The following VCAM1 variants were observed in gnomAD, a reference collection of about 807,000 sequenced individuals.
The protein encoded by VCAM1 is vascular cell adhesion protein 1.
In VCAM1, 41 loss-of-function variants were observed where a neutral mutation model predicts 63.8. The observed-to-expected ratio is 0.64, with a 90% CI of 0.50 to 0.83. The LOEUF (loss-of-function observed/expected upper bound fraction) is 0.83. VCAM1 is among the 40% of genes least tolerant of loss of function. The pLI is 0.00. For missense variants in VCAM1, 798 were observed against 875.5 expected (o/e 0.91, Z 1.12); for synonymous variants, 338 against 320.7 (o/e 1.05, Z -0.58).
chr1:100,722,919 T>A, intron 2 of VCAM1, 101 bp from the exon 3 acceptor site: 1 of 1,324,494 alleles, frequency 7.6e-7, no homozygotes. Flanking sequence ...AAGACTGTAT[T>A]AACAAAAACG....
intron 8 of VCAM1, chr1:100,737,566 T>C (rs1660700348): frequency 6.6e-6 from 1 of 152,256 alleles, no homozygotes. Context: ...TATGCCCTAT[T>C]TCTGACATAA....
intron 8 of VCAM1, chr1:100,736,169 G>C (rs1248429236): frequency 6.6e-6 from 1 of 152,078 alleles, no homozygotes; most frequent in Non-Finnish European, 1.5e-5. Flanking sequence ...CACACACATT[G>C]CTTTATTTTC....
chr1:100,736,217 A>G (rs1660640718), intron 8 of VCAM1: 1 of 152,176 alleles, frequency 6.6e-6, no homozygotes, highest in South Asian at 2.1e-4. Context: ...CACAGTTGCT[A>G]CTTTTTACTC....
Position 100,719,938 on chromosome 1 carries a change from C to T in VCAM1, c.64+14C>T, listed in dbSNP as rs140406427. The T allele has an allele frequency of 2.3e-3, 3,662 of 1,605,294 alleles. 13 individuals are homozygous for T. Among genetic ancestry groups the T allele is most frequent in the Non-Finnish European group, 2.8e-3 (3,255 of 1,173,802 alleles). On this transcript the variant is annotated intron_variant, in intron 1 of 8. Coordinates refer to ENST00000294728, the MANE Select transcript of VCAM1 (RefSeq NM_001078.4). ...TGTTTGCAGCTTGTAAGTTATTTCCCTTCATCTGTTTCAAATGTTAGCATT... is the reference window on the plus strand; with the variant it reads ...TGTTTGCAGCTTGTAAGTTATTTCCTTTCATCTGTTTCAAATGTTAGCATT...
rs1660473391 is a variant in VCAM1 at position 100,731,840 on chromosome 1, C to A, written c.1525+322C>A. ...GCTGGCTGGTCTCAGATGACTTCAC[C>A]CACATGTCTGGAGCCATATCTTGGA... On this transcript the variant is annotated intron_variant, in intron 6 of 8. Coordinates refer to ENST00000294728, the MANE Select transcript of VCAM1 (RefSeq NM_001078.4). This position sits in a 1 kb window ranked among gnomAD's most constrained non-coding sequence, Gnocchi z 4.2. Among the ~76,000 whole-genome samples, 1 of 152,116 alleles carries A rather than the reference C, an allele frequency of 6.6e-6. No homozygotes were observed. The highest frequency in any genetic ancestry group is 2.1e-4 in the South Asian group (1 of 4,824).
Position 100,729,397 on chromosome 1 carries a change from G to T in VCAM1, c.1204+15G>T. The T allele has an allele frequency of 6.6e-7, 1 of 1,506,918 alleles. No homozygotes were observed. Among genetic ancestry groups the T allele is most frequent in the Non-Finnish European group, 8.9e-7 (1 of 1,129,400 alleles). The allele number at this position is 1,506,918 out of a possible 1,614,324, so 93.3% of individuals were successfully genotyped here. A position where few individuals can be genotyped will look rare whatever the true frequency, so the allele number is the denominator to read the frequency against. On this transcript the variant is annotated intron_variant, in intron 5 of 8. Transcript: ENST00000294728. The stretch of plus-strand genomic sequence containing the variant: ...GGAGCTCTACTGTAAGTGGTTTTCA[G>T]AATTGTTTACTGTTTTTTTTTTTCA...
rs1225301397 is a variant in VCAM1 at position 100,731,189 on chromosome 1, G to T, written c.1205-9G>T. 1 of 1,571,244 alleles carries T rather than the reference G, an allele frequency of 6.4e-7. No individual in the cohort carries two copies. Among genetic ancestry groups the T allele is most frequent in the Non-Finnish European group, 8.6e-7 (1 of 1,161,244 alleles). On this transcript the variant is annotated splice_polypyrimidine_tract_variant and intron_variant, in intron 5 of 8. Transcript: ENST00000294728. This position sits in a 1 kb window ranked among gnomAD's most constrained non-coding sequence, Gnocchi z 4.2. ...AAGAATAAAAATCGTTTTTGCTTGCGATTTGCAGCATTCCCTAGAGATCCA... is the reference window on the plus strand; with the variant it reads ...AAGAATAAAAATCGTTTTTGCTTGCTATTTGCAGCATTCCCTAGAGATCCA...
Position 100,729,212 on chromosome 1 carries a change from T to C in VCAM1, c.1034T>C (p.Phe345Ser). 6.2e-7 allele frequency: 1 copy of C among 1,613,580 alleles called. No individual in the cohort carries two copies. The highest frequency in any genetic ancestry group is 8.5e-7 in the Non-Finnish European group (1 of 1,179,700). The stretch of plus-strand genomic sequence containing the variant: ...GTCATGGGCTGTGAATCCCCATCTT[T>C]CTCCTGGAGAACCCAGATAGACAGC... ...CSVMGCESPS[F>S]SWRTQIDSPL... Residue 345 changes from phenylalanine (F) to serine (S), a missense_variant, in exon 5 of 9, where the codon TTC (phenylalanine) becomes TCC (serine). Transcript: ENST00000294728.
intron 4 of VCAM1, among the ~76,000 whole-genome samples, chr1:100,727,860 A>G (rs924666905): frequency 6.6e-6 from 1 of 152,160 alleles, no homozygotes; most frequent in South Asian, 2.1e-4. Context: ...TTCAGAAAAT[A>G]CTAAGATGTC....
intron 1 of VCAM1, 71 bp from the exon 2 acceptor site, chr1:100,720,405 A>G: frequency 6.6e-7 from 1 of 1,524,094 alleles, no homozygotes; most frequent in East Asian, 2.3e-5. Flanking sequence ...TAGACATTAT[A>G]CAGAGAAGAA....
At chr1:100,736,724 T>C (rs2100836768) in intron 8 of VCAM1, 1 of 152,326 alleles carries the variant, frequency 6.6e-6, no homozygotes, top group East Asian at 1.9e-4. Context: ...AGCTCAGCTC[T>C]AGCAAGGGAA....
chr1:100,729,563 A>G (rs1660354732), intron 5 of VCAM1, among the ~76,000 whole-genome samples, 181 bp downstream of exon 5: 1 of 152,098 alleles, frequency 6.6e-6, no homozygotes, highest in African/African-American at 2.4e-5. Flanking sequence ...TAAATCTTAA[A>G]TATATATTAC....
At chr1:100,730,137 G>C (rs1322469423) in intron 5 of VCAM1, among the ~76,000 whole-genome samples, 1 of 152,034 alleles carries the variant, frequency 6.6e-6, no homozygotes, top group African/African-American at 2.4e-5. Flanking sequence ...TAGAACTCAA[G>C]AGAACATATC....
intron 3 of VCAM1, among the ~76,000 whole-genome samples, chr1:100,723,824 G>A (rs938053539): frequency 2.6e-5 from 4 of 151,888 alleles, no homozygotes; most frequent in Non-Finnish European, 5.9e-5. Context: ...GAAAAATGAC[G>A]GGGTTTGATT....
chr1:100,729,321 T>A lies in VCAM1; in HGVS notation c.1143T>A (p.Tyr381Ter), dbSNP rs1468747246. 6.2e-7 allele frequency: 1 copy of A among 1,613,316 alleles called. No individual in the cohort carries two copies. Among genetic ancestry groups the A allele is most frequent in the African/African-American group, 1.3e-5 (1 of 74,834 alleles). ...TGAGTTTTGAGAACGAACACTCTTA[T>A]CTGTGCACAGTGACTTGTGGACATA... ...SPVSFENEHS[Y>*]LCTVTCGHKK... is the part of the protein sequence containing the mutation. The change falls in exon 5 of 9, where the codon TAT becomes TAA. Residue 381 changes from tyrosine to a stop codon, truncating the protein, a stop_gained. Coordinates refer to ENST00000294728, the MANE Select transcript of VCAM1 (RefSeq NM_001078.4). LOFTEE classifies it high-confidence loss of function.
At chr1:100,729,748 G>A (rs1381484739) in intron 5 of VCAM1, among the ~76,000 whole-genome samples, 1 of 152,012 alleles carries the variant, frequency 6.6e-6, no homozygotes, top group Non-Finnish European at 1.5e-5. Context: ...GTTTTAAACT[G>A]TTTTAAGGCA....
At chr1:100,734,380 A>G in intron 7 of VCAM1, 122 bp from the exon 8 acceptor site, 1 of 1,095,062 alleles carries the variant, frequency 9.1e-7, no homozygotes, top group Non-Finnish European at 1.3e-6. Flanking sequence ...GCCCTTCTTA[A>G]CATTTAATGC....
chr1:100,729,134 C>A lies in VCAM1; in HGVS notation c.956C>A (p.Pro319His). ...AAACCATTTACTGTTGAGATCTCCC[C>A]TGGACCCCGGATTGCTGCTCAGATT... is the stretch of plus-strand genomic sequence containing the variant. The part of the protein sequence containing the change: ...QEKPFTVEIS[P>H]GPRIAAQIGD... Residue 319 changes from proline (P) to histidine (H), a missense_variant, in exon 5 of 9, where the codon CCT (proline) becomes CAT (histidine). Coordinates refer to ENST00000294728, the MANE Select transcript of VCAM1 (RefSeq NM_001078.4). 1 of 1,604,318 alleles carries A rather than the reference C, an allele frequency of 6.2e-7. No homozygotes were observed. The highest frequency in any genetic ancestry group is 8.5e-7 in the Non-Finnish European group (1 of 1,173,932).
chr1:100,720,381 G>A (rs1659916506), intron 1 of VCAM1, 95 bp from the exon 2 acceptor site: 1 of 1,464,320 alleles, frequency 6.8e-7, no homozygotes, highest in Non-Finnish European at 9.2e-7. Context: ...AAAGAGATCA[G>A]TCTGATCATA....
Sources: gnomAD v4.1 joint callset for allele counts (sites outside exome capture counted in the v4.1 genomes callset) on GRCh38, gnomAD v4.1.1 for gene constraint, Gnocchi (gnomAD v3.1) non-coding constraint, MANE v1.5 for transcripts, NCBI Gene and HGNC (gene_info 2026-07-23, HGNC 2026-07-21) for gene names.